Variants in KLHL4 observed in about 807,000 individuals in gnomAD.
KLHL4 encodes kelch-like protein 4.
In KLHL4, 17 loss-of-function variants were observed where a neutral mutation model predicts 45.8. The observed-to-expected ratio is 0.37, with a 90% CI of 0.25 to 0.56. KLHL4 has a LOEUF of 0.56. Among genes scored for constraint, KLHL4 ranks in the 20% least tolerant of loss-of-function variants. The pLI, the probability that KLHL4 is intolerant of heterozygous loss-of-function variation, is 0.79. For synonymous variants in KLHL4, 224 were observed against 189.9 expected (o/e 1.18, Z -1.47); for missense variants, 544 against 544.9 (o/e 1.00, Z 0.02).
intron 1 of KLHL4, among the ~76,000 whole-genome samples, chrX:87,524,291 G>A (rs1216286901): frequency 1.8e-5 from 2 of 111,796 alleles, no homozygotes; most frequent in Non-Finnish European, 3.8e-5. Flanking sequence ...AAATTGGTGA[G>A]GTGACAGATA....
chrX:87,669,629 A>C lies in KLHL4; in HGVS notation c.*3095A>C. The C allele has an allele frequency of 3.2e-6, 1 of 314,027 alleles. No homozygotes were observed. Among genetic ancestry groups the C allele is most frequent in the Non-Finnish European group, 5.5e-6 (1 of 182,277 alleles). 25.9% of individuals were successfully genotyped at this position (314,027 alleles called of 1,213,427 possible). On this transcript the variant is annotated 3_prime_UTR_variant, in exon 11 of 11. Coordinates refer to ENST00000373119, the MANE Select transcript of KLHL4 (RefSeq NM_019117.5). ...AAAAAAAAAAGGTCATGAAACACAA[A>C]TGTCCTCAACTGTCATCATTCTATG...
At position 87,617,080 on chromosome X, in the gene KLHL4, A is replaced by G. The variant is rs1238007803; in HGVS notation, c.728-852A>G. Reference sequence around the variant, plus strand: ...GTAGGAATGTCTCATAAAATCGCAGAATTTTTGCAATAACTATTCAATAAC... The same window carrying G: ...GTAGGAATGTCTCATAAAATCGCAGGATTTTTGCAATAACTATTCAATAAC... On this transcript the variant is annotated intron_variant, in intron 3 of 10. Transcript: ENST00000373119. 2.7e-5 allele frequency among the ~76,000 whole-genome samples: 3 copies of G among 111,981 alleles called. No individual in the cohort carries two copies. In the Admixed American group the frequency reaches 2.9e-4, roughly 11 times the overall value.
chrX:87,546,335 C>G (rs1240328431), intron 1 of KLHL4, among the ~76,000 whole-genome samples: 1 of 111,731 alleles, frequency 9.0e-6, no homozygotes, highest in Non-Finnish European at 1.9e-5. Flanking sequence ...ACAGCTCAGG[C>G]CATTGTTTTA....
At chrX:87,565,228 A>T (rs985700560) in intron 1 of KLHL4, among the ~76,000 whole-genome samples, 1 of 100,925 alleles carries the variant, frequency 9.9e-6, no homozygotes, top group African/African-American at 3.6e-5. Context: ...TTACATTATA[A>T]CCTATTTTTA....
intron 1 of KLHL4, among the ~76,000 whole-genome samples, chrX:87,595,368 A>ATGTG (rs1255776267): frequency 5.3e-5 from 6 of 112,347 alleles, no homozygotes; most frequent in Non-Finnish European, 1.1e-4. Flanking sequence ...TACCATGCAC[A>ATGTG]GTATGTGTAC....
chrX:87,649,795 C>A (rs971018552), intron 9 of KLHL4, among the ~76,000 whole-genome samples: 15 of 111,310 alleles, frequency 1.3e-4, no homozygotes, highest in African/African-American at 4.2e-4. Context: ...GTGGCCTCAG[C>A]ACCATTGTCA....
At chrX:87,546,020 A>C (rs1048754055) in intron 1 of KLHL4, among the ~76,000 whole-genome samples, 2 of 111,707 alleles carry the variant, frequency 1.8e-5, no homozygotes, top group Non-Finnish European at 3.8e-5. Flanking sequence ...TAGTTTGGAA[A>C]ATTTGCAGGC....
intron 9 of KLHL4, among the ~76,000 whole-genome samples, chrX:87,652,667 G>A (rs1482058427): frequency 9.0e-6 from 1 of 111,663 alleles, no homozygotes; most frequent in Admixed American, 9.5e-5. Flanking sequence ...TCAGCATTTG[G>A]GGCAAAGCCA....
At position 87,555,457 on chromosome X, in the gene KLHL4, G is replaced by A. The variant is rs149903987; in HGVS notation, c.422+37142G>A. The stretch of plus-strand genomic sequence containing the variant: ...CTGTTTTAGTCTTGGGAAGGTGTTC[G>A]TGTCGAGGAATTTATCCATTTCTTC... On this transcript the variant is annotated intron_variant, in intron 1 of 10. Transcript: ENST00000373119. Among the ~76,000 whole-genome samples the A allele has an allele frequency of 4.8e-3, 538 of 111,314 alleles. 1 individual carries two copies. Among genetic ancestry groups the A allele is most frequent in the Non-Finnish European group, 9.0e-3 (478 of 53,034 alleles).
intron 4 of KLHL4, among the ~76,000 whole-genome samples, chrX:87,619,569 CA>C (rs1922679387): frequency 8.9e-6 from 1 of 111,843 alleles, no homozygotes; most frequent in African/African-American, 3.2e-5. Context: ...TATTCTACCA[CA>C]AAAAATAAAC....
chrX:87,558,158 A>T (rs746559189), intron 1 of KLHL4, among the ~76,000 whole-genome samples: 21 of 111,594 alleles, frequency 1.9e-4, no homozygotes, highest in Non-Finnish European at 3.6e-4. Context: ...TTGCGATCAC[A>T]CCCTATCTAA....
At chrX:87,527,119 A>G (rs1023014192) in intron 1 of KLHL4, among the ~76,000 whole-genome samples, 2 of 112,172 alleles carry the variant, frequency 1.8e-5, no homozygotes, top group Admixed American at 1.9e-4. Context: ...TTAGTTAATG[A>G]GATTTTTGCA....
chrX:87,525,784 A>C (rs1439005958), intron 1 of KLHL4, among the ~76,000 whole-genome samples: 1 of 111,782 alleles, frequency 8.9e-6, no homozygotes, highest in Non-Finnish European at 1.9e-5. Context: ...ACCAAATATC[A>C]ATGATCATAT....
At chrX:87,643,102 C>A (rs1923518321) in intron 9 of KLHL4, among the ~76,000 whole-genome samples, 1 of 110,145 alleles carries the variant, frequency 9.1e-6, no homozygotes, top group Non-Finnish European at 1.9e-5. Flanking sequence ...AAATTGAAAC[C>A]AAAAAAATAC....
At chrX:87,567,017 C>T (rs1416094817) in intron 1 of KLHL4, among the ~76,000 whole-genome samples, 1 of 110,319 alleles carries the variant, frequency 9.1e-6, no homozygotes. Context: ...TCCCATGACA[C>T]GTTTACCTAT....
chrX:87,576,690 G>A (rs1240249371), intron 1 of KLHL4, among the ~76,000 whole-genome samples: 2 of 111,254 alleles, frequency 1.8e-5, no homozygotes, highest in Admixed American at 9.6e-5. Flanking sequence ...ATCCTGTTAC[G>A]AAATCTTTAC....
rs778906409 is a variant in KLHL4 at position 87,578,701 on chromosome X, G to A, written c.423-35176G>A. On this transcript the variant is annotated intron_variant, in intron 1 of 10. Coordinates refer to ENST00000373119, the MANE Select transcript of KLHL4 (RefSeq NM_019117.5). ...CTCTGTAAGCAACTTCCTCCTTAGG[G>A]AAAATTAGAGCATTAAGTATGTCTC... Among the ~76,000 whole-genome samples, 5 of 111,980 alleles carry A rather than the reference G, an allele frequency of 4.5e-5. No homozygotes were observed. In the East Asian group the frequency reaches 1.4e-3, roughly 31 times the overall value.
At chrX:87,658,309 C>T (rs1387242822) in intron 9 of KLHL4, among the ~76,000 whole-genome samples, 1 of 111,806 alleles carries the variant, frequency 8.9e-6, no homozygotes, top group Admixed American at 9.5e-5. Context: ...GAGACTAGAT[C>T]ACAAATCTCA....
chrX:87,535,120 T>C (rs1391105944), intron 1 of KLHL4, among the ~76,000 whole-genome samples: 1 of 112,018 alleles, frequency 8.9e-6, no homozygotes, highest in Non-Finnish European at 1.9e-5. Context: ...AAATATTTGC[T>C]CTGAATTTTT....
Sources: gnomAD v4.1 joint callset for allele counts (sites outside exome capture counted in the v4.1 genomes callset) on GRCh38, gnomAD v4.1.1 for gene constraint, MANE v1.5 for transcripts, NCBI Gene and HGNC (gene_info 2026-07-23, HGNC 2026-07-21) for gene names.